The following SETD2 variants were observed in gnomAD, a reference collection of about 807,000 sequenced individuals.
SETD2 encodes the protein histone-lysine N-methyltransferase SETD2.
A neutral mutation model predicts 242.1 loss-of-function variants in SETD2; 31 were observed. The observed-to-expected ratio is 0.13, with a 90% CI of 0.10 to 0.17. SETD2 has a LOEUF of 0.17. SETD2 is among the 10% of genes least tolerant of loss of function. SETD2 has a pLI of 1.00. For missense variants in SETD2, 2,481 were observed against 3,046.3 expected, an observed-to-expected ratio of 0.81 and a Z score of 4.37; for synonymous variants, 1,006 against 1,066.5, an observed-to-expected ratio of 0.94 and a Z score of 1.11.
chr3:47,069,589 C>A (rs1371913406), intron 12 of SETD2, among the ~76,000 whole-genome samples: 2 of 152,222 alleles, frequency 1.3e-5, no homozygotes, highest in African/African-American at 4.8e-5. Context: ...CACCCCTCCC[C>A]ACAAGAGAGA....
chr3:47,070,925 G>C (rs1309680529), intron 12 of SETD2, among the ~76,000 whole-genome samples: 1 of 152,058 alleles, frequency 6.6e-6, no homozygotes, highest in Non-Finnish European at 1.5e-5. Flanking sequence ...GTATAGCGAT[G>C]GGGTCTTGCT....
intron 6 of SETD2, among the ~76,000 whole-genome samples, chr3:47,103,984 G>T (rs2042315306): frequency 6.6e-6 from 1 of 152,104 alleles, no homozygotes; most frequent in Admixed American, 6.5e-5. Context: ...TTTAAAGTGT[G>T]GGCTATGTCA....
At chr3:47,039,884 CAAAAAAAAAA>C (rs201543639) in intron 17 of SETD2, among the ~76,000 whole-genome samples, 4 of 75,030 alleles carry the variant, frequency 5.3e-5, no homozygotes, top group Non-Finnish European at 8.4e-5. Context: ...AACTCTGTCT[CAAAAAAAAAA>C]AAAAAAAGTT....
intron 18 of SETD2, among the ~76,000 whole-genome samples, chr3:47,034,956 T>C (rs2038935101): frequency 6.6e-6 from 1 of 152,312 alleles, no homozygotes; most frequent in East Asian, 1.9e-4. Context: ...TAGATTATAA[T>C]TCAGGCATTG....
At chr3:47,042,474 G>A (rs2039325303) in intron 17 of SETD2, 87 bp downstream of exon 17, 4 of 1,348,578 alleles carry the variant, frequency 3.0e-6, no homozygotes. Context: ...ATGACAAGAA[G>A]TTTACAACTG....
At chr3:47,039,517 CTTTT>C (rs1359267238) in intron 17 of SETD2, among the ~76,000 whole-genome samples, 2 of 151,578 alleles carry the variant, frequency 1.3e-5, no homozygotes, top group Non-Finnish European at 2.9e-5. Flanking sequence ...CCGGCCCAAA[CTTTT>C]TTTATTTTTG....
rs371395770 is a variant in SETD2, at chr3:47,083,881, C to T, written c.5899G>A (p.Gly1967Ser). ...DAEIEPKESN[G>S]TKLEEPINEE... ...TTAATAGGTTCTTCTAGTTTTGTGCCGTTGCTCTCTTTGGGCTCTATTTCA... is the reference window on the plus strand; with the variant it reads ...TTAATAGGTTCTTCTAGTTTTGTGCTGTTGCTCTCTTTGGGCTCTATTTCA... The change falls in exon 12 of 21, where the codon GGC becomes AGC. Residue 1967 changes from glycine to serine, a missense_variant. Transcript: ENST00000409792. 8.1e-6 allele frequency: 13 copies of T among 1,613,980 alleles called. No individual in the cohort carries two copies. The highest frequency in any genetic ancestry group is 4.5e-5 in the East Asian group (2 of 44,886).
chr3:47,145,868 T>C (rs1244400744), intron 1 of SETD2, among the ~76,000 whole-genome samples: 1 of 151,662 alleles, frequency 6.6e-6, no homozygotes, highest in Non-Finnish European at 1.5e-5. Context: ...AATAAAAAAT[T>C]AGCTGGGTAT....
At chr3:47,126,771 AC>A (rs2043342515) in intron 1 of SETD2, 108 bp from the exon 2 acceptor site, 1 of 652,394 alleles carries the variant, frequency 1.5e-6, no homozygotes, top group Non-Finnish European at 2.7e-6. Flanking sequence ...GATACTTACT[AC>A]CTACAGGTAT....
rs1213559776 is a variant in SETD2, at chr3:47,124,130, T to A, written c.506A>T (p.His169Leu). ...TATCACTGCTGGTAATGGTGCTGCA[T>A]GAGTAGGTGGAGATGCTACTGCTGT... ...TTTAVASPPT[H>L]AAPLPAVIAE... Residue 169 changes from histidine to leucine, a missense_variant, in exon 3 of 21, where the codon CAT (histidine) becomes CTT (leucine). Coordinates refer to ENST00000409792, the MANE Select transcript of SETD2 (RefSeq NM_014159.7). The A allele has an allele frequency of 6.4e-7, 1 of 1,551,746 alleles. No individual in the cohort carries two copies. The highest frequency in any genetic ancestry group is 2.4e-5 in the East Asian group (1 of 40,936).
At chr3:47,028,871 T>A (rs1162947568) in intron 18 of SETD2, 1 of 154,772 alleles carries the variant, frequency 6.5e-6, no homozygotes, top group Non-Finnish European at 1.5e-5. Context: ...CACTACTGGC[T>A]GAGCATGCCC....
At chr3:47,106,562 A>G (rs1350540994) in intron 5 of SETD2, among the ~76,000 whole-genome samples, 1 of 145,352 alleles carries the variant, frequency 6.9e-6, no homozygotes. Flanking sequence ...CTATAATCCC[A>G]GCACTTTGGG....
chr3:47,073,212 C>T (rs944485463), intron 12 of SETD2, among the ~76,000 whole-genome samples: 4 of 150,554 alleles, frequency 2.7e-5, no homozygotes, highest in Admixed American at 6.6e-5. Flanking sequence ...ACAGACAAAA[C>T]GCAGTAGGAA....
intron 1 of SETD2, among the ~76,000 whole-genome samples, chr3:47,132,787 G>A (rs1280735346): frequency 1.3e-5 from 2 of 152,152 alleles, no homozygotes; most frequent in African/African-American, 4.8e-5. Context: ...TTACACTTGA[G>A]TGTAGTATAG....
At chr3:47,124,695 T>C (rs776974346) in intron 2 of SETD2, 147 bp from the exon 3 acceptor site, 7 of 658,714 alleles carry the variant, frequency 1.1e-5, no homozygotes, top group East Asian at 2.9e-5. Context: ...ATATCTTTAT[T>C]ATGAAAATTT....
intron 1 of SETD2, among the ~76,000 whole-genome samples, chr3:47,153,019 G>A (rs541518286): frequency 6.6e-6 from 1 of 152,256 alleles, no homozygotes; most frequent in East Asian, 1.9e-4. Flanking sequence ...GTAACCATTA[G>A]CTTGACCAAA....
rs74329138 is a variant in SETD2 at position 47,058,944 on chromosome 3, G to A, written c.6294-1454C>T. Among the ~76,000 whole-genome samples the A allele has an allele frequency of 7.1e-4, 108 of 151,364 alleles. 2 individuals are homozygous for A. The East Asian group carries it at 0.019, about 27-fold the overall frequency. ...AGAGTAGCTGGGACTATAGGTGCCC[G>A]CCACCATGCCTGGCTAATTTGTTGT... On this transcript the variant is annotated intron_variant, in intron 14 of 20. Coordinates refer to ENST00000409792, the MANE Select transcript of SETD2 (RefSeq NM_014159.7).
At chr3:47,149,915 T>C (rs2043943806) in intron 1 of SETD2, among the ~76,000 whole-genome samples, 2 of 152,148 alleles carry the variant, frequency 1.3e-5, no homozygotes, top group Admixed American at 1.3e-4. Context: ...CTGAATTTTT[T>C]TGTATGCTAG....
At chr3:47,074,378 T>C (rs924178303) in intron 12 of SETD2, among the ~76,000 whole-genome samples, 2 of 152,134 alleles carry the variant, frequency 1.3e-5, no homozygotes, top group Non-Finnish European at 2.9e-5. Flanking sequence ...TGTGCAGAAA[T>C]AGCCTGTTTT....
Sources: allele counts gnomAD v4.1 joint callset (sites outside exome capture counted in the v4.1 genomes callset), GRCh38; gene constraint gnomAD v4.1.1; transcripts MANE v1.5; gene names NCBI Gene and HGNC (gene_info 2026-07-23, HGNC 2026-07-21).